Variants in FXN observed in about 807,000 individuals in gnomAD.
The protein encoded by FXN is frataxin, mitochondrial.
In FXN, 14 loss-of-function variants were observed where a neutral mutation model predicts 22.4. The observed-to-expected ratio is 0.62, with a 90% confidence interval of 0.41 to 0.98. The LOEUF (loss-of-function observed/expected upper bound fraction) is 0.98, where lower values mean the gene tolerates loss of function less well. Ranked by LOEUF, FXN falls within the 50% of genes least tolerant of loss-of-function variation. The pLI is 0.00. For missense variants in FXN, 267 were observed against 268.4 expected, an observed-to-expected ratio of 0.99 and a Z score of 0.04; for synonymous variants, 120 against 114.1, an observed-to-expected ratio of 1.05 and a Z score of -0.33.
At chr9:69,046,319 A>C in intron 1 of FXN, 66 bp from the exon 2 acceptor site, 1 of 1,160,854 alleles carries the variant, frequency 8.6e-7, no homozygotes, top group Non-Finnish European at 1.3e-6. Flanking sequence ...GCAATATATA[A>C]ATTATGCATT....
At chr9:69,069,668 G>A (rs1832237600) in intron 4 of FXN, among the ~76,000 whole-genome samples, 1 of 152,218 alleles carries the variant, frequency 6.6e-6, no homozygotes, top group Non-Finnish European at 1.5e-5. Context: ...TGGAGAGTAG[G>A]CCTCTGTAGG....
rs556175198 is a variant in FXN at position 69,074,775 on chromosome 9, A to C, written c.*2013A>C. 2.6e-5 allele frequency: 24 copies of C among 912,228 alleles called. No individual in the cohort carries two copies. The South Asian group carries it at 1.1e-3, about 40-fold the overall frequency. The allele number at this position is 912,228 out of a possible 1,614,324, so 56.5% of individuals were successfully genotyped here. A position where few individuals can be genotyped will look rare whatever the true frequency, so the allele number is the denominator to read the frequency against. ...AAACCTATTAATAATAAAACAGTATAAACAAAAGCTAAATAGGTAAAATAT... is the reference window on the plus strand; with the variant it reads ...AAACCTATTAATAATAAAACAGTATCAACAAAAGCTAAATAGGTAAAATAT... On this transcript the variant is annotated 3_prime_UTR_variant, in exon 5 of 5. Coordinates refer to ENST00000484259, the MANE Select transcript of FXN (RefSeq NM_000144.5).
At chr9:69,070,652 T>C (rs1564340176) in intron 4 of FXN, among the ~76,000 whole-genome samples, 1 of 152,226 alleles carries the variant, frequency 6.6e-6, no homozygotes, top group East Asian at 1.9e-4. Flanking sequence ...GTTGCTCTTA[T>C]TGAAGTTTGA....
chr9:69,038,961 A>G (rs1038743092), intron 1 of FXN, among the ~76,000 whole-genome samples: 5 of 152,130 alleles, frequency 3.3e-5, no homozygotes, highest in African/African-American at 1.2e-4. Flanking sequence ...ACACACTTAA[A>G]TGTCTCCTAG....
At chr9:69,065,768 T>TTAAATAATTTAAA (rs1270327380) in intron 4 of FXN, among the ~76,000 whole-genome samples, 1 of 152,216 alleles carries the variant, frequency 6.6e-6, no homozygotes. Context: ...ATTAAATTAT[T>TTAAATAATTTAAA]GCCCTGACTT....
rs1308373378 is a variant in FXN at position 69,073,838 on chromosome 9, A to G, written c.*1076A>G. On this transcript the variant is annotated 3_prime_UTR_variant, in exon 5 of 5. Transcript: ENST00000484259. ...ACAGTTTTTAAGCTATATAGGAAAC[A>G]TTGTTATTGGTGTTGCCCTATCGTG... is the stretch of plus-strand genomic sequence containing the variant. 18 of 985,346 alleles carry G rather than the reference A, an allele frequency of 1.8e-5. No individual in the cohort carries two copies. Among genetic ancestry groups the G allele is most frequent in the Middle Eastern group, 5.2e-4 (1 of 1,912 alleles). The allele number at this position is 985,346 out of a possible 1,614,324, so 61.0% of individuals were successfully genotyped here.
Position 69,072,845 on chromosome 9 carries a change from G to A in FXN, c.*83G>A. On this transcript the variant is annotated 3_prime_UTR_variant, in exon 5 of 5. Transcript: ENST00000484259. ...ATGCAGCTGAGGTCTGTTTTTTGTT[G>A]TTGTTGTTGTTTATTTTTTTTATTC... 1 of 1,605,134 alleles carries A rather than the reference G, an allele frequency of 6.2e-7. No homozygotes were observed. The highest frequency in any genetic ancestry group is 1.7e-5 in the Admixed American group (1 of 59,364).
Position 69,035,918 on chromosome 9 carries a change from A to G in FXN, c.136A>G (p.Ile46Val), listed in dbSNP as rs1831540145. Residue 46 changes from isoleucine to valine, a missense_variant, in exon 1 of 5, where the codon ATC becomes GTC. Physicochemically the swap from Ile to Val is conservative, Grantham distance 29. Coordinates refer to ENST00000484259, the MANE Select transcript of FXN (RefSeq NM_000144.5). Reference protein sequence around the residue: ...LCGRRGLRTDIDATCTPRRAS... With the variant: ...LCGRRGLRTDVDATCTPRRAS... ...CGGCCGCCGTGGCCTGCGCACCGACATCGATGCGACCTGCACGCCCCGCCG... is the reference window on the plus strand; with the variant it reads ...CGGCCGCCGTGGCCTGCGCACCGACGTCGATGCGACCTGCACGCCCCGCCG... The G allele has an allele frequency of 2.7e-6, 4 of 1,460,842 alleles. No individual in the cohort carries two copies. Among genetic ancestry groups the G allele is most frequent in the Admixed American group, 2.3e-5 (1 of 44,162 alleles). 90.5% of individuals were successfully genotyped at this position (1,460,842 alleles called of 1,614,324 possible).
intron 4 of FXN, among the ~76,000 whole-genome samples, chr9:69,067,710 A>G (rs1226521822): frequency 6.6e-6 from 1 of 152,210 alleles, no homozygotes; most frequent in Non-Finnish European, 1.5e-5. Flanking sequence ...GAGGCATTCA[A>G]CTGGCAAGAT....
At chr9:69,067,656 G>C (rs1162222368) in intron 4 of FXN, among the ~76,000 whole-genome samples, 1 of 152,150 alleles carries the variant, frequency 6.6e-6, no homozygotes, top group Non-Finnish European at 1.5e-5. Context: ...CAACAATAAA[G>C]ATCATCCTTG....
chr9:69,060,411 T>C (rs1587825836), intron 3 of FXN, among the ~76,000 whole-genome samples: 1 of 151,590 alleles, frequency 6.6e-6, no homozygotes, highest in Admixed American at 6.6e-5. Context: ...CCACTGTCTG[T>C]GCTAATTGGC....
chr9:69,076,995 A>G lies in FXN; in HGVS notation c.*4233A>G. On this transcript the variant is annotated 3_prime_UTR_variant, in exon 5 of 5. Coordinates refer to ENST00000484259, the MANE Select transcript of FXN (RefSeq NM_000144.5). ...AGTGGCACGATCTGGGCTCACTACA[A>G]CCTCCGCCTCCTGGGTTCAAGCAAT... 5 of 762,180 alleles carry G rather than the reference A, an allele frequency of 6.6e-6. No homozygotes were observed. The highest frequency in any genetic ancestry group is 6.0e-5 in the South Asian group (1 of 16,770). The allele number at this position is 762,180 out of a possible 1,614,324, so 47.2% of individuals were successfully genotyped here.
chr9:69,047,089 CT>C (rs1468010841), intron 2 of FXN, among the ~76,000 whole-genome samples: 3 of 152,140 alleles, frequency 2.0e-5, no homozygotes, highest in Non-Finnish European at 4.4e-5. Flanking sequence ...AGCGAGTGCC[CT>C]GGAAAAAGCC....
Position 69,043,837 on chromosome 9 carries a change from G to A in FXN, c.166-2548G>A, listed in dbSNP as rs373490410. Among the ~76,000 whole-genome samples the A allele has an allele frequency of 9.9e-5, 15 of 152,200 alleles. No homozygotes were observed. The South Asian group carries it at 2.3e-3, about 23-fold the overall frequency. The stretch of plus-strand genomic sequence containing the variant: ...GACCTCAGGTGATCCACCCGCCTCC[G>A]CCTCCCAAACTGCAGAGATTATAGG... On this transcript the variant is annotated intron_variant, in intron 1 of 4. Transcript: ENST00000484259.
intron 1 of FXN, among the ~76,000 whole-genome samples, chr9:69,039,437 C>T (rs967050915): frequency 2.0e-5 from 3 of 152,198 alleles, no homozygotes; most frequent in Non-Finnish European, 2.9e-5. Context: ...CATTGGTTCT[C>T]AGATCTGGCT....
At chr9:69,039,186 G>C (rs1277210900) in intron 1 of FXN, among the ~76,000 whole-genome samples, 1 of 151,946 alleles carries the variant, frequency 6.6e-6, no homozygotes, top group Non-Finnish European at 1.5e-5. Flanking sequence ...CCGGGAGGTG[G>C]TGGAGGTTGC....
At position 69,035,872 on chromosome 9, in the gene FXN, G is replaced by T; in HGVS notation, c.90G>T (p.Pro30=). 1 of 1,494,122 alleles carries T rather than the reference G, an allele frequency of 6.7e-7. No homozygotes were observed. Among genetic ancestry groups the T allele is most frequent in the Non-Finnish European group, 8.9e-7 (1 of 1,128,500 alleles). 92.6% of individuals were successfully genotyped at this position (1,494,122 alleles called of 1,614,324 possible). ...QAQTLTRVPR[P]AELAPLCGRR... is the part of the protein sequence containing the mutation. ...AGACCCTCACCCGGGTCCCGCGGCCGGCAGAGTTGGCCCCACTCTGCGGCC... is the reference window on the plus strand; with the variant it reads ...AGACCCTCACCCGGGTCCCGCGGCCTGCAGAGTTGGCCCCACTCTGCGGCC... The change falls in exon 1 of 5, where the codon CCG becomes CCT. Residue 30 remains proline, a synonymous_variant. Coordinates refer to ENST00000484259, the MANE Select transcript of FXN (RefSeq NM_000144.5).
At position 69,076,539 on chromosome 9, in the gene FXN, T is replaced by C. The variant is rs1317268320; in HGVS notation, c.*3777T>C. The C allele has an allele frequency of 1.0e-6, 1 of 985,284 alleles. No individual in the cohort carries two copies. Among genetic ancestry groups the C allele is most frequent in the Non-Finnish European group, 1.2e-6 (1 of 829,892 alleles). 61.0% of individuals were successfully genotyped at this position (985,284 alleles called of 1,614,324 possible). ...TACCTTCTAAAACTATTTTAGCCAATTTAAAATTTGACAGTTTGCATTAAA... is the reference window on the plus strand; with the variant it reads ...TACCTTCTAAAACTATTTTAGCCAACTTAAAATTTGACAGTTTGCATTAAA... On this transcript the variant is annotated 3_prime_UTR_variant, in exon 5 of 5. Transcript: ENST00000484259.
At chr9:69,059,642 G>GTGATCCACTGGCC (rs1832030840) in intron 3 of FXN, among the ~76,000 whole-genome samples, 1 of 151,954 alleles carries the variant, frequency 6.6e-6, no homozygotes, top group Admixed American at 6.6e-5. Context: ...TTGACCTCAA[G>GTGATCCACTGGCC]TGATCCACTG....
Sources: gnomAD v4.1 joint callset for allele counts (sites outside exome capture counted in the v4.1 genomes callset) on GRCh38, gnomAD v4.1.1 for gene constraint, MANE v1.5 for transcripts, NCBI Gene and HGNC (gene_info 2026-07-23, HGNC 2026-07-21) for gene names.